The following TRPC5 variants were observed in gnomAD, a reference collection of about 807,000 sequenced individuals.
TRPC5 encodes the protein transient receptor potential cation channel subfamily C member 5.
Under a neutral mutation model 56.5 loss-of-function variants are expected in TRPC5, and 9 were observed. That is an observed-to-expected ratio of 0.16 (90% CI 0.10 to 0.28). TRPC5 has a LOEUF of 0.28. Among genes scored for constraint, TRPC5 ranks in the 10% least tolerant of loss-of-function variants. The pLI is 1.00. For synonymous variants in TRPC5, 282 were observed against 278.5 expected (o/e 1.01, Z -0.13); for missense variants, 469 against 748.9 (o/e 0.63, Z 4.36).
At chrX:111,971,021 G>A (rs1307478421) in intron 1 of TRPC5, among the ~76,000 whole-genome samples, 6 of 110,747 alleles carry the variant, frequency 5.4e-5, no homozygotes, top group African/African-American at 9.9e-5. Flanking sequence ...CTCGTGATCC[G>A]CCCGCCTCGG....
chrX:111,928,521 C>T lies in TRPC5; in HGVS notation c.379-15709G>A, dbSNP rs763897254. On this transcript the variant is annotated intron_variant, in intron 2 of 10. Transcript: ENST00000262839. ...TCTGATATTACTTCCAATTTTATTG[C>T]TTTGAACTGGCAGCTGCATTGTCAA... Among the ~76,000 whole-genome samples the T allele has an allele frequency of 2.7e-5, 3 of 112,237 alleles. No homozygotes were observed. In the Admixed American group the frequency reaches 2.8e-4, roughly 11 times the overall value.
At chrX:111,791,885 G>A (rs761973395) in intron 7 of TRPC5, among the ~76,000 whole-genome samples, 2 of 112,279 alleles carry the variant, frequency 1.8e-5, no homozygotes, top group South Asian at 3.7e-4. Flanking sequence ...TCAACCCTGT[G>A]GAAGACAGTG....
At chrX:112,053,714 G>A (rs903880520) in intron 1 of TRPC5, among the ~76,000 whole-genome samples, 1 of 111,064 alleles carries the variant, frequency 9.0e-6, no homozygotes, top group African/African-American at 3.3e-5. Context: ...TTGTGTGTGT[G>A]TATAAAATAA....
intron 7 of TRPC5, among the ~76,000 whole-genome samples, chrX:111,807,956 C>CTCTCTCTG (rs905386723): frequency 3.3e-5 from 3 of 91,926 alleles, no homozygotes; most frequent in African/African-American, 1.5e-4. Context: ...CTCTCTCTCT[C>CTCTCTCTG]TGTGTGTGTG....
rs1356378691 is a variant in TRPC5, at chrX:111,775,620, ATATAC to A, written c.*688_*692del. The A allele has an allele frequency of 8.9e-6, 1 of 112,488 alleles. No homozygotes were observed. Among genetic ancestry groups the A allele is most frequent in the Non-Finnish European group, 1.9e-5 (1 of 53,325 alleles). 9.3% of individuals were successfully genotyped at this position (112,488 alleles called of 1,213,427 possible). A position where few individuals can be genotyped will look rare whatever the true frequency, so the allele number is the denominator to read the frequency against. ...ATTCGCCTAACTTATTAGATATGACATATACTATGGGGTAAATATTTCATTGGCAC... is the reference window on the plus strand; with the variant it reads ...ATTCGCCTAACTTATTAGATATGACATATGGGGTAAATATTTCATTGGCAC... On this transcript the variant is annotated 3_prime_UTR_variant, in exon 11 of 11. Coordinates refer to ENST00000262839, the MANE Select transcript of TRPC5 (RefSeq NM_012471.3).
At chrX:111,910,157 C>T (rs181862244) in intron 3 of TRPC5, among the ~76,000 whole-genome samples, 6 of 112,376 alleles carry the variant, frequency 5.3e-5, no homozygotes, top group African/African-American at 1.6e-4. Context: ...TAGTTGTATT[C>T]TGCAATTATC....
At chrX:111,808,030 C>A (rs888383935) in intron 7 of TRPC5, among the ~76,000 whole-genome samples, 2 of 107,357 alleles carry the variant, frequency 1.9e-5, no homozygotes, top group Non-Finnish European at 3.8e-5. Context: ...GGAGGTAACA[C>A]AAGCACCACT....
intron 7 of TRPC5, among the ~76,000 whole-genome samples, chrX:111,799,161 A>G (rs1921219538): frequency 1.1e-5 from 1 of 87,765 alleles, no homozygotes; most frequent in South Asian, 3.9e-4. Flanking sequence ...GGCTAACTCT[A>G]TTCTTTTGTG....
At chrX:111,881,902 T>G (rs1370150019) in intron 3 of TRPC5, 4 of 110,800 alleles carry the variant, frequency 3.6e-5, no homozygotes, top group African/African-American at 1.3e-4. Flanking sequence ...CATACAAGAG[T>G]GTTCCCTGGT....
chrX:111,785,139 C>T (rs1306713769), intron 7 of TRPC5, among the ~76,000 whole-genome samples: 1 of 112,211 alleles, frequency 8.9e-6, no homozygotes, highest in African/African-American at 3.2e-5. Context: ...CCTCGTGTAG[C>T]CTGAGAGACA....
chrX:111,833,778 C>T (rs934304967), intron 7 of TRPC5, among the ~76,000 whole-genome samples: 1 of 110,700 alleles, frequency 9.0e-6, no homozygotes, highest in Non-Finnish European at 1.9e-5. Flanking sequence ...CATATACATA[C>T]ATATATATAT....
intron 6 of TRPC5, among the ~76,000 whole-genome samples, chrX:111,846,245 G>A (rs1922923026): frequency 1.8e-5 from 2 of 111,474 alleles, no homozygotes; most frequent in African/African-American, 6.5e-5. Context: ...TCATTGCTAT[G>A]AATATCCAGT....
At chrX:111,835,774 A>T (rs1392342069) in intron 6 of TRPC5, among the ~76,000 whole-genome samples, 1 of 111,741 alleles carries the variant, frequency 8.9e-6, no homozygotes, top group Non-Finnish European at 1.9e-5. Flanking sequence ...CATGAGAACA[A>T]ATTACCATTT....
intron 1 of TRPC5, among the ~76,000 whole-genome samples, chrX:112,015,805 A>T (rs1189895386): frequency 8.9e-6 from 1 of 111,770 alleles, no homozygotes; most frequent in Non-Finnish European, 1.9e-5. Flanking sequence ...AACTAAGCAA[A>T]TGTTCTCCTG....
chrX:111,924,624 T>G (rs1361573168), intron 2 of TRPC5, among the ~76,000 whole-genome samples: 1 of 112,605 alleles, frequency 8.9e-6, no homozygotes, highest in Non-Finnish European at 1.9e-5. Flanking sequence ...TTTGTTCATA[T>G]GTAGCCATCT....
chrX:111,944,299 TGTGTGAGAGA>T (rs1268269110), intron 2 of TRPC5, among the ~76,000 whole-genome samples: 14 of 89,048 alleles, frequency 1.6e-4, no homozygotes, highest in African/African-American at 5.6e-4. Flanking sequence ...TGTGTGTGTG[TGTGTGAGAGA>T]GAGAGAGAGA....
Position 111,784,282 on chromosome X carries a change from A to G in TRPC5, c.1897-2144T>C, listed in dbSNP as rs754900881. 8.0e-5 allele frequency among the ~76,000 whole-genome samples: 9 copies of G among 112,580 alleles called. No homozygotes were observed. The South Asian group carries it at 2.9e-3, about 36-fold the overall frequency. ...GACACCAGAAACCAAGTGACAAAAGAAAATAGGTAAATTTGACTTAATCAA... is the reference window on the plus strand; with the variant it reads ...GACACCAGAAACCAAGTGACAAAAGGAAATAGGTAAATTTGACTTAATCAA... On this transcript the variant is annotated intron_variant, in intron 7 of 10. Coordinates refer to ENST00000262839, the MANE Select transcript of TRPC5 (RefSeq NM_012471.3).
chrX:112,038,648 T>G (rs1368948306), intron 1 of TRPC5, among the ~76,000 whole-genome samples: 1 of 111,610 alleles, frequency 9.0e-6, no homozygotes. Context: ...GTATATAGAT[T>G]CTGAATCAAG....
At chrX:111,909,095 C>T (rs187763683) in intron 3 of TRPC5, among the ~76,000 whole-genome samples, 2,399 of 106,509 alleles carry the variant, frequency 0.023, 35 homozygotes, top group Middle Eastern at 0.1. Flanking sequence ...ACCGGCCTGG[C>T]CAGCATGGCG....
Sources: gnomAD v4.1 joint callset for allele counts (sites outside exome capture counted in the v4.1 genomes callset) on GRCh38, gnomAD v4.1.1 for gene constraint, MANE v1.5 for transcripts, NCBI Gene and HGNC (gene_info 2026-07-23, HGNC 2026-07-21) for gene names.